Variants in ANKRD42 observed in about 807,000 individuals in gnomAD.
ANKRD42 encodes the protein ankyrin repeat domain 42.
In ANKRD42, 43 loss-of-function variants were observed where a neutral mutation model predicts 51.5. That is an observed-to-expected ratio of 0.83 (90% CI 0.65 to 1.08). The LOEUF (loss-of-function observed/expected upper bound fraction) is 1.08. ANKRD42 is among the 50% of genes least tolerant of loss of function. The pLI, the probability that ANKRD42 is intolerant of heterozygous loss-of-function variation, is 0.00. For synonymous variants in ANKRD42, 203 were observed against 213.0 expected, an observed-to-expected ratio of 0.95 and a Z score of 0.41; for missense variants, 608 against 629.3, an observed-to-expected ratio of 0.97 and a Z score of 0.36.
At chr11:83,196,345 C>G (rs925938796) in intron 1 of ANKRD42, among the ~76,000 whole-genome samples, 6 of 151,888 alleles carry the variant, frequency 4.0e-5, no homozygotes, top group Non-Finnish European at 7.4e-5. Context: ...CTAGTTCTAG[C>G]CTATTTATCC....
chr11:83,231,340 T>C (rs596842), intron 7 of ANKRD42, among the ~76,000 whole-genome samples: 40,312 of 152,142 alleles, frequency 0.26, 5,514 homozygotes, highest in Middle Eastern at 0.41. Flanking sequence ...CATATATCTG[T>C]TTGCCATTTG....
chr11:83,226,257 A>G (rs764546935), intron 6 of ANKRD42, among the ~76,000 whole-genome samples: 56 of 152,104 alleles, frequency 3.7e-4, no homozygotes, highest in Non-Finnish European at 5.1e-4. Flanking sequence ...ACACAACTGG[A>G]AGTACCTAAC....
At chr11:83,226,055 G>C (rs1217425305) in intron 6 of ANKRD42, among the ~76,000 whole-genome samples, 2 of 152,114 alleles carry the variant, frequency 1.3e-5, no homozygotes, top group African/African-American at 4.8e-5. Flanking sequence ...ACTGCATCCA[G>C]CCTGTATTAT....
intron 7 of ANKRD42, among the ~76,000 whole-genome samples, chr11:83,235,424 A>G (rs1476298830): frequency 7.2e-5 from 11 of 152,242 alleles, no homozygotes; most frequent in African/African-American, 1.4e-4. Context: ...ACAATCGTCT[A>G]TGTTAAAGAT....
chr11:83,258,344 A>G (rs1290944952), downstream of ANKRD42, among the ~76,000 whole-genome samples: 14 of 151,914 alleles, frequency 9.2e-5, no homozygotes, highest in Admixed American at 9.2e-4. Context: ...AGGTTAATGA[A>G]ACAAAAAAAA....
At chr11:83,229,344 G>A (rs1862996884) in intron 7 of ANKRD42, among the ~76,000 whole-genome samples, 1 of 152,064 alleles carries the variant, frequency 6.6e-6, no homozygotes, top group Non-Finnish European at 1.5e-5. Context: ...TGGAGGTTAG[G>A]ACTTTAACAT....
intron 10 of ANKRD42, among the ~76,000 whole-genome samples, chr11:83,246,837 A>C (rs1863555879): frequency 6.6e-6 from 1 of 152,226 alleles, no homozygotes; most frequent in African/African-American, 2.4e-5. Context: ...AAGAAAATAA[A>C]AAATAATATA....
chr11:83,262,126 A>G (rs951184246), downstream of ANKRD42, among the ~76,000 whole-genome samples: 1 of 152,238 alleles, frequency 6.6e-6, no homozygotes, highest in Non-Finnish European at 1.5e-5. Flanking sequence ...TATGAAAGAC[A>G]TTCTTAAGGG....
At position 83,211,386 on chromosome 11, in the gene ANKRD42, G is replaced by A; in HGVS notation, c.542G>A (p.Trp181Ter). The change falls in exon 5 of 11, where the codon TGG (tryptophan) becomes TAG (stop). Residue 181 changes from tryptophan (W) to a stop codon, truncating the protein, a stop_gained. Coordinates refer to ENST00000533342, the MANE Select transcript of ANKRD42 (RefSeq NM_001300975.2). LOFTEE classifies it high-confidence loss of function. Reference protein sequence around the residue: ...RLGCLQLLVKWGCSIEDVDYN... With the variant: ...RLGCLQLLVK ...GGCTGCTTGCAACTTCTTGTTAAAT[G>A]GGGTTGTAGCATAGAAGATGTGGAC... The A allele has an allele frequency of 6.2e-7, 1 of 1,614,148 alleles. No homozygotes were observed. The highest frequency in any genetic ancestry group is 8.5e-7 in the Non-Finnish European group (1 of 1,180,012).
chr11:83,254,428 TTCTTTTC>T (rs1401778740), intron 11 of ANKRD42, among the ~76,000 whole-genome samples: 3 of 126,778 alleles, frequency 2.4e-5, no homozygotes, highest in Admixed American at 7.4e-5. Context: ...TTTTTCTTTT[TTCTTTTC>T]TTTTTTTTTT....
Position 83,254,430 on chromosome 11 carries a change from C to CTTTTTTTTTT in ANKRD42, c.1465-1411_1465-1410insTTTTTTTTTT, listed in dbSNP as rs778427623. Among the ~76,000 whole-genome samples, 10 of 130,408 alleles carry CTTTTTTTTTT rather than the reference C, an allele frequency of 7.7e-5. 1 individual carries two copies. The highest frequency in any genetic ancestry group is 1.5e-4 in the Admixed American group (2 of 13,254). The allele number at this position is 130,408 out of a possible 152,430, so 85.6% of individuals were successfully genotyped here. Reference sequence around the variant, plus strand: ...CCCCACCTGAGTGTTTTTCTTTTTTCTTTTCTTTTTTTTTTTTTTGAGACA... The same window carrying CTTTTTTTTTT: ...CCCCACCTGAGTGTTTTTCTTTTTTCTTTTTTTTTTTTTTCTTTTTTTTTTTTTTGAGACA... On this transcript the variant is annotated intron_variant, in intron 11 of 11. Coordinates refer to the ANKRD42 transcript ENST00000260047.
chr11:83,199,559 T>G (rs1861789027), intron 2 of ANKRD42, among the ~76,000 whole-genome samples: 1 of 152,242 alleles, frequency 6.6e-6, no homozygotes, highest in Non-Finnish European at 1.5e-5. Flanking sequence ...GTTTCAATTT[T>G]TAGCTAGTAC....
chr11:83,226,116 T>G (rs1297255933), intron 6 of ANKRD42, among the ~76,000 whole-genome samples: 1 of 152,174 alleles, frequency 6.6e-6, no homozygotes, highest in Non-Finnish European at 1.5e-5. Context: ...TATTTGTTTC[T>G]CCTTCAAATA....
At chr11:83,219,168 A>G (rs750299633) in intron 5 of ANKRD42, among the ~76,000 whole-genome samples, 11 of 152,182 alleles carry the variant, frequency 7.2e-5, no homozygotes, top group Non-Finnish European at 1.6e-4. Flanking sequence ...GGCATCCCCT[A>G]AGGGTCAGGT....
At chr11:83,203,594 A>G (rs552220211) in intron 2 of ANKRD42, among the ~76,000 whole-genome samples, 1 of 151,926 alleles carries the variant, frequency 6.6e-6, no homozygotes, top group South Asian at 2.1e-4. Context: ...GAGTTTCATT[A>G]TGTTGGCCAG....
chr11:83,252,945 T>C (rs1863700533), downstream of ANKRD42, among the ~76,000 whole-genome samples: 1 of 152,236 alleles, frequency 6.6e-6, no homozygotes, highest in African/African-American at 2.4e-5. Context: ...ACTGAACTCA[T>C]AGCTTCTGTC....
At chr11:83,224,702 T>A (rs1862819598) in intron 5 of ANKRD42, among the ~76,000 whole-genome samples, 153 bp from the exon 6 acceptor site, 1 of 152,138 alleles carries the variant, frequency 6.6e-6, no homozygotes, top group Non-Finnish European at 1.5e-5. Flanking sequence ...GGGAATCACT[T>A]GAGCCCAGGA....
chr11:83,200,956 T>C (rs992074428), intron 2 of ANKRD42, among the ~76,000 whole-genome samples: 1 of 152,178 alleles, frequency 6.6e-6, no homozygotes. Context: ...CATATTATCA[T>C]AGGCTTTGCA....
intron 2 of ANKRD42, among the ~76,000 whole-genome samples, chr11:83,204,439 A>G (rs987601686): frequency 3.3e-5 from 5 of 152,220 alleles, no homozygotes; most frequent in Non-Finnish European, 7.3e-5. Flanking sequence ...TTGGGTACAC[A>G]TGGACAAAGA....
Sources: allele counts gnomAD v4.1 joint callset (sites outside exome capture counted in the v4.1 genomes callset), GRCh38; gene constraint gnomAD v4.1.1; transcripts MANE v1.5; gene names NCBI Gene and HGNC (gene_info 2026-07-23, HGNC 2026-07-21).